Variants in HNRNPA1 observed in about 807,000 individuals in gnomAD.
HNRNPA1 encodes the protein heterogeneous nuclear ribonucleoprotein A1, also known as epididymis secretory sperm binding protein.
In HNRNPA1, 7 loss-of-function variants were observed where a neutral mutation model predicts 44.4. The ratio of observed to expected loss-of-function variants is 0.16; its 90% CI spans 0.09 to 0.30. The LOEUF (loss-of-function observed/expected upper bound fraction) is 0.30, where lower values mean the gene tolerates loss of function less well. Ranked by LOEUF, HNRNPA1 falls within the 10% of genes least tolerant of loss-of-function variation. HNRNPA1 has a pLI of 1.00. For missense variants in HNRNPA1, 193 were observed against 465.8 expected, an observed-to-expected ratio of 0.41 and a Z score of 5.39; for synonymous variants, 169 against 160.6, an observed-to-expected ratio of 1.05 and a Z score of -0.40.
chr12:54,281,269 G>T (rs1373626387), intron 1 of HNRNPA1, 117 bp from the exon 2 acceptor site: 1 of 734,084 alleles, frequency 1.4e-6, no homozygotes, highest in Non-Finnish European at 2.5e-6. Flanking sequence ...GTGTCTTGTT[G>T]CGACCTGAAC....
intron 8 of HNRNPA1, 43 bp from the exon 9 acceptor site, chr12:54,283,769 T>C: frequency 2.5e-6 from 4 of 1,588,664 alleles, no homozygotes; most frequent in Non-Finnish European, 3.5e-6. Flanking sequence ...GAAACTAACA[T>C]CATCCTCAGG....
chr12:54,282,061 A>T (rs778396113), intron 3 of HNRNPA1, 29 bp from the exon 4 acceptor site: 1 of 1,607,966 alleles, frequency 6.2e-7, no homozygotes, highest in Middle Eastern at 1.7e-4. Context: ...GGCTTTGCTA[A>T]TCTAAACCTA....
rs1273572897 is a variant in HNRNPA1, at chr12:54,283,818, A to G, written c.914A>G (p.Asn305Ser). The G allele has an allele frequency of 1.2e-6, 2 of 1,613,802 alleles. No homozygotes were observed. The highest frequency in any genetic ancestry group is 1.7e-5 in the Admixed American group (1 of 59,992). Residue 305 changes from asparagine to serine, a missense_variant, in exon 9 of 11, where the codon AAT (asparagine) becomes AGT (serine). Asn to Ser is a conservative substitution (Grantham distance 46). This residue lies in a region of HNRNPA1 where 136 missense variants were observed against 234.4 expected (regional missense o/e 0.58). Transcript: ENST00000340913. Reference sequence around the variant, plus strand: ...CCCTCTTTCCCATTCATAGGAAGCAATTTTGGAGGTGGTGGAAGCTACAAT... The same window carrying G: ...CCCTCTTTCCCATTCATAGGAAGCAGTTTTGGAGGTGGTGGAAGCTACAAT... ...GGGFGGGSGS[N>S]FGGGGSYNDF...
chr12:54,282,595 T>C lies in HNRNPA1; in HGVS notation c.606T>C (p.Phe202=), dbSNP rs768362071. Residue 202 remains phenylalanine (F), a synonymous_variant, in exon 6 of 11, where the codon TTT becomes TTC. Transcript: ENST00000340913. ...AAGGTCGAAGTGGTTCTGGAAACTTTGGTGGTGGTCGTGGAGGTGGTTTCG... is the reference window on the plus strand; with the variant it reads ...AAGGTCGAAGTGGTTCTGGAAACTTCGGTGGTGGTCGTGGAGGTGGTTTCG... ...SQRGRSGSGN[F]GGGRGGGFGG... is the part of the protein sequence containing the mutation. The C allele has an allele frequency of 5.6e-6, 9 of 1,614,036 alleles. No homozygotes were observed. The highest frequency in any genetic ancestry group is 5.0e-5 in the Admixed American group (3 of 60,016).
chr12:54,284,014 G>A, intron 9 of HNRNPA1, 47 bp downstream of exon 9: 1 of 1,593,364 alleles, frequency 6.3e-7, no homozygotes, highest in Middle Eastern at 1.7e-4. Context: ...AGTGTCTGTA[G>A]CTACTGCTGG....
In HNRNPA1 at chr12:54,283,982, T is replaced by G; in HGVS notation, c.1063+15T>G. 10 of 1,603,368 alleles carry G rather than the reference T, an allele frequency of 6.2e-6. No individual in the cohort carries two copies. The highest frequency in any genetic ancestry group is 8.5e-6 in the Non-Finnish European group (10 of 1,179,694). ...ACGAAACCAAGGTATGGTATCTATGTAATTTTGGATAATGTCAAAAGAGTG... is the reference window on the plus strand; with the variant it reads ...ACGAAACCAAGGTATGGTATCTATGGAATTTTGGATAATGTCAAAAGAGTG... On this transcript the variant is annotated intron_variant, in intron 9 of 10. Transcript: ENST00000340913.
In HNRNPA1 at chr12:54,283,779, G is replaced by A. The variant is rs74974344; in HGVS notation, c.908-33G>A. On this transcript the variant is annotated intron_variant, in intron 8 of 10. Transcript: ENST00000340913. The stretch of plus-strand genomic sequence containing the variant: ...AATTGGAAACTAACATCATCCTCAG[G>A]TAACAGATAAAGGCCCTCTTTCCCA... 1.5e-3 allele frequency: 2,413 copies of A among 1,604,340 alleles called. 29 individuals carry two copies. The East Asian group carries it at 0.032, about 21-fold the overall frequency.
At chr12:54,281,182 G>C (rs760322664) in intron 1 of HNRNPA1, 31 of 697,640 alleles carry the variant, frequency 4.4e-5, no homozygotes, top group Non-Finnish European at 6.6e-5. Context: ...GTCGGAAGGC[G>C]ACTAGGGACG....
chr12:54,281,139 C>T (rs1416289846), intron 1 of HNRNPA1: 9 of 699,490 alleles, frequency 1.3e-5, no homozygotes, highest in Admixed American at 4.0e-5. Context: ...TGTGGAGATG[C>T]ACCCCTACCG....
rs1266653413 is a variant in HNRNPA1, at chr12:54,286,675, A to G, written c.*2131A>G. On this transcript the variant is annotated 3_prime_UTR_variant, in exon 11 of 11. Transcript: ENST00000340913. ...TTACTTTTCTAGGGAGGAGTCTGCT[A>G]CTAGTCTTATCAGCTCTTAAAAACA... is the stretch of plus-strand genomic sequence containing the variant. 6.6e-5 allele frequency: 10 copies of G among 152,186 alleles called. No homozygotes were observed. Among genetic ancestry groups the G allele is most frequent in the Admixed American group, 1.3e-4 (2 of 15,274 alleles). 9.4% of individuals were successfully genotyped at this position (152,186 alleles called of 1,614,324 possible). A position where few individuals can be genotyped will look rare whatever the true frequency, so the allele number is the denominator to read the frequency against.
In HNRNPA1 at chr12:54,286,213, A is replaced by G. The variant is rs1944260441; in HGVS notation, c.*1669A>G. On this transcript the variant is annotated 3_prime_UTR_variant, in exon 11 of 11. Transcript: ENST00000340913. ...GATCATCGCAAGGAAGGAGGCAGAC[A>G]AGAGTAAGGCACACCTGACTCTTAG... 1 of 152,166 alleles carries G rather than the reference A, an allele frequency of 6.6e-6. No homozygotes were observed. Among genetic ancestry groups the G allele is most frequent in the African/African-American group, 2.4e-5 (1 of 41,408 alleles). 9.4% of individuals were successfully genotyped at this position (152,166 alleles called of 1,614,324 possible).
chr12:54,281,994 T>C (rs1218229631), intron 3 of HNRNPA1, 53 bp downstream of exon 3: 10 of 1,605,286 alleles, frequency 6.2e-6, no homozygotes, highest in Non-Finnish European at 8.5e-6. Flanking sequence ...TATGTGCTGC[T>C]ATGGACTTAA....
intron 7 of HNRNPA1, 68 bp downstream of exon 7, chr12:54,282,942 G>T: frequency 1.3e-6 from 2 of 1,490,188 alleles, no homozygotes; most frequent in Non-Finnish European, 9.1e-7. Context: ...GGTTAGTAGA[G>T]ACTAAAATTC....
chr12:54,284,521 A>C, intron 10 of HNRNPA1, 28 bp from the exon 11 acceptor site: 1 of 716,572 alleles, frequency 1.4e-6, no homozygotes. Context: ...TGTTTAGATT[A>C]ACAACTTTAT....
Position 54,282,380 on chromosome 12 carries a change from T to C in HNRNPA1, c.491-14T>C. Reference sequence around the variant, plus strand: ...AAACCCTGATACCATGTTGTATCTATGTTTTTTTTTTAGTTCAGAAATACC... The same window carrying C: ...AAACCCTGATACCATGTTGTATCTACGTTTTTTTTTTAGTTCAGAAATACC... On this transcript the variant is annotated splice_polypyrimidine_tract_variant and intron_variant, in intron 4 of 10. Coordinates refer to ENST00000340913, the MANE Select transcript of HNRNPA1 (RefSeq NM_031157.4). 6.2e-7 allele frequency: 1 copy of C among 1,607,670 alleles called. No homozygotes were observed. Among genetic ancestry groups the C allele is most frequent in the Non-Finnish European group, 8.5e-7 (1 of 1,174,274 alleles).
intron 1 of HNRNPA1, 159 bp downstream of exon 1, chr12:54,280,981 C>T (rs1031398073): frequency 2.5e-6 from 2 of 806,602 alleles, no homozygotes; most frequent in South Asian, 1.4e-5. Flanking sequence ...ATTTTGTCCT[C>T]TTGATCGCCA....
intron 1 of HNRNPA1, 147 bp downstream of exon 1, chr12:54,280,969 C>G: frequency 1.2e-6 from 1 of 864,092 alleles, no homozygotes; most frequent in Non-Finnish European, 2.0e-6. Context: ...GTTCAAGTCG[C>G]CATTTTGTCC....
intron 8 of HNRNPA1, 64 bp downstream of exon 8, chr12:54,283,298 C>T: frequency 1.9e-6 from 3 of 1,557,288 alleles, no homozygotes; most frequent in South Asian, 1.2e-5. Context: ...AGCTTGGGTT[C>T]TGGTGCTGTT....
At chr12:54,284,478 C>A in intron 10 of HNRNPA1, 71 bp from the exon 11 acceptor site, 1 of 753,694 alleles carries the variant, frequency 1.3e-6, no homozygotes, top group Non-Finnish European at 2.3e-6. Flanking sequence ...GGGAAACAAA[C>A]TTGATATTGG....
Sources: allele counts gnomAD v4.1 joint callset, GRCh38; gene constraint gnomAD v4.1.1; regional missense constraint gnomAD v4.1.1; transcripts MANE v1.5; gene names NCBI Gene and HGNC (gene_info 2026-07-23, HGNC 2026-07-21).